Variants in RYR2 observed in about 807,000 individuals in gnomAD.
The protein encoded by RYR2 is cardiac muscle ryanodine receptor-calcium release channel.
RYR2 carries 227 observed loss-of-function variants against 601.1 expected under a neutral mutation model. The ratio of observed to expected loss-of-function variants is 0.38; its 90% confidence interval spans 0.34 to 0.42. The LOEUF is 0.42. Among genes scored for constraint, RYR2 ranks in the 10% least tolerant of loss-of-function variants. The probability of loss-of-function intolerance (pLI) is 1.00; values close to 1 mark genes in which losing one functional copy is unlikely to be tolerated. For missense variants in RYR2, 4,646 were observed against 6,156.5 expected, an observed-to-expected ratio of 0.75 and a Z score of 8.21; for synonymous variants, 2,223 against 2,175.1, an observed-to-expected ratio of 1.02 and a Z score of -0.61.
chr1:237,409,900 G>C (rs1704275679), intron 10 of RYR2, among the ~76,000 whole-genome samples: 1 of 152,016 alleles, frequency 6.6e-6, no homozygotes, highest in African/African-American at 2.4e-5. Context: ...ATCAAAATTT[G>C]ATGTGACTGA....
chr1:237,566,646 C>T lies in RYR2; in HGVS notation c.3294C>T (p.Ala1098=), dbSNP rs773622667. ...FRAEKTYAVK[A]GRWYFEFETV... ...CCGAGAAGACCTATGCAGTGAAGGC[C>T]GGACGGTGGTATTTTGAATTTGAGA... Residue 1098 remains alanine, a synonymous_variant, in exon 28 of 105, where the codon GCC becomes GCT. Coordinates refer to ENST00000366574, the MANE Select transcript of RYR2 (RefSeq NM_001035.3). The T allele has an allele frequency of 8.7e-6, 14 of 1,613,908 alleles. No individual in the cohort carries two copies. Among genetic ancestry groups the T allele is most frequent in the Middle Eastern group, 1.7e-4 (1 of 6,060 alleles).
At chr1:237,697,504 A>G (rs1483054812) in intron 63 of RYR2, among the ~76,000 whole-genome samples, 2 of 145,402 alleles carry the variant, frequency 1.4e-5, no homozygotes, top group Non-Finnish European at 3.0e-5. Context: ...TATATAATAT[A>G]ATTATATATA....
intron 4 of RYR2, among the ~76,000 whole-genome samples, chr1:237,361,381 T>TG (rs1250940267): frequency 6.6e-6 from 1 of 152,154 alleles, no homozygotes; most frequent in Non-Finnish European, 1.5e-5. Context: ...GGTTACCGGT[T>TG]GGAGACTTAT....
intron 1 of RYR2, among the ~76,000 whole-genome samples, chr1:237,205,035 C>T (rs955800810): frequency 9.8e-5 from 15 of 152,316 alleles, no homozygotes; most frequent in Non-Finnish European, 1.3e-4. Flanking sequence ...CTGCTTTGAC[C>T]GGCTAGCTGT....
intron 5 of RYR2, among the ~76,000 whole-genome samples, chr1:237,364,623 T>G (rs1700051039): frequency 6.6e-6 from 1 of 152,136 alleles, no homozygotes; most frequent in Non-Finnish European, 1.5e-5. Flanking sequence ...AATCAAGCTT[T>G]GGAGCTTTTA....
chr1:237,280,006 C>G (rs1317591642), intron 2 of RYR2, among the ~76,000 whole-genome samples: 2 of 152,178 alleles, frequency 1.3e-5, no homozygotes, highest in Non-Finnish European at 2.9e-5. Context: ...GTAACAATAT[C>G]AAGAGCTCTT....
chr1:237,742,053 A>G (rs1163166474), intron 79 of RYR2, among the ~76,000 whole-genome samples: 1 of 152,230 alleles, frequency 6.6e-6, no homozygotes, highest in Non-Finnish European at 1.5e-5. Context: ...TGGACCTCAT[A>G]GTTATCTCTG....
intron 74 of RYR2, 42 bp downstream of exon 74, chr1:237,723,304 A>C (rs147783180): frequency 1.3e-6 from 2 of 1,540,248 alleles, no homozygotes; most frequent in African/African-American, 2.7e-5. Flanking sequence ...CCTTAGCCAC[A>C]TACAAATATT....
At chr1:237,138,686 G>C (rs1247548069) in intron 1 of RYR2, among the ~76,000 whole-genome samples, 1 of 152,140 alleles carries the variant, frequency 6.6e-6, no homozygotes, top group Non-Finnish European at 1.5e-5. Context: ...TTGACATGCT[G>C]GCAGTATTCA....
At chr1:237,572,902 C>A (rs562044392) in intron 29 of RYR2, among the ~76,000 whole-genome samples, 1 of 152,188 alleles carries the variant, frequency 6.6e-6, no homozygotes, top group African/African-American at 2.4e-5. Flanking sequence ...AAAAAAGCTC[C>A]TTAATTTACC....
At chr1:237,167,711 T>A (rs1676874610) in intron 1 of RYR2, among the ~76,000 whole-genome samples, 1 of 112,958 alleles carries the variant, frequency 8.9e-6, no homozygotes, top group East Asian at 2.7e-4. Context: ...CCACCTCCTT[T>A]TTTTTTTTTT....
At chr1:237,491,969 T>C in intron 18 of RYR2, 45 bp downstream of exon 18, 2 of 829,028 alleles carry the variant, frequency 2.4e-6, no homozygotes. Flanking sequence ...TCAAATCCTT[T>C]TAGATATATT....
chr1:237,177,325 C>G (rs1433901322), intron 1 of RYR2, among the ~76,000 whole-genome samples: 3 of 152,064 alleles, frequency 2.0e-5, no homozygotes, highest in Non-Finnish European at 4.4e-5. Context: ...ATTATGAAAG[C>G]TAGTCATAAA....
At chr1:237,068,417 A>T (rs549105877) in intron 1 of RYR2, among the ~76,000 whole-genome samples, 2 of 152,146 alleles carry the variant, frequency 1.3e-5, no homozygotes, top group African/African-American at 4.8e-5. Flanking sequence ...TGACATTGTT[A>T]TGTTGCCCAT....
chr1:237,364,224 G>A, intron 4 of RYR2, 134 bp from the exon 5 acceptor site: 1 of 693,842 alleles, frequency 1.4e-6, no homozygotes, highest in South Asian at 2.9e-5. Context: ...CATGGTGAAT[G>A]TTTTTTTTTA....
In RYR2 at chr1:237,639,184, C is replaced by T. The variant is rs375631485; in HGVS notation, c.7098C>T (p.Ser2366=). 3.7e-5 allele frequency: 59 copies of T among 1,612,976 alleles called. No homozygotes were observed. The highest frequency in any genetic ancestry group is 1.2e-4 in the South Asian group (11 of 90,976). ...CCCGAGATGGTCCCTCACCAAATAG[C>T]GGATCCAGTAAAACACTGTAGGTCT... ...DPSRDGPSPN[S]GSSKTLDTEE... is the part of the protein sequence containing the mutation. Residue 2366 remains serine (S), a synonymous_variant, in exon 46 of 105, where the codon AGC becomes AGT. Transcript: ENST00000366574.
At chr1:237,103,372 G>A (rs114225321) in intron 1 of RYR2, among the ~76,000 whole-genome samples, 275 of 152,320 alleles carry the variant, frequency 1.8e-3, no homozygotes, top group African/African-American at 6.4e-3. Context: ...CATGCAACTT[G>A]ACCTTAGCAC....
chr1:237,573,544 G>A (rs919078469), intron 29 of RYR2, among the ~76,000 whole-genome samples: 1 of 148,808 alleles, frequency 6.7e-6, no homozygotes, highest in Admixed American at 6.6e-5. Context: ...GTTCTATAAA[G>A]GTACTGCTAG....
At chr1:237,534,717 C>T (rs1196104150) in intron 25 of RYR2, among the ~76,000 whole-genome samples, 2 of 151,958 alleles carry the variant, frequency 1.3e-5, no homozygotes, top group African/African-American at 4.8e-5. Flanking sequence ...AAAGATAACC[C>T]ATATTTCTTG....
Sources: allele counts gnomAD v4.1 joint callset (sites outside exome capture counted in the v4.1 genomes callset), GRCh38; gene constraint gnomAD v4.1.1; transcripts MANE v1.5; gene names NCBI Gene and HGNC (gene_info 2026-07-23, HGNC 2026-07-21).